Variants in LPIN1 observed in about 807,000 individuals in gnomAD.
LPIN1 encodes phosphatidate phosphatase LPIN1.
Under a neutral mutation model 107.5 loss-of-function variants are expected in LPIN1, and 71 were observed. That is an observed-to-expected ratio of 0.66 (90% CI 0.55 to 0.80). The LOEUF is 0.80. LPIN1 is among the 30% of genes least tolerant of loss of function. The pLI is 0.00. For synonymous variants in LPIN1, 445 were observed against 452.6 expected, an observed-to-expected ratio of 0.98 and a Z score of 0.21; for missense variants, 1,043 against 1,160.6, an observed-to-expected ratio of 0.90 and a Z score of 1.47.
intron 1 of LPIN1, among the ~76,000 whole-genome samples, chr2:11,740,673 G>C (rs1228262722): frequency 1.6e-5 from 2 of 124,542 alleles, no homozygotes; most frequent in Non-Finnish European, 3.3e-5. Context: ...GACACAGTGA[G>C]GCTCTATCTC....
intron 8 of LPIN1, among the ~76,000 whole-genome samples, chr2:11,782,862 G>A (rs1295832126): frequency 3.3e-5 from 5 of 152,080 alleles, no homozygotes; most frequent in Non-Finnish European, 7.4e-5. Context: ...CTTGCCCTGC[G>A]TTGCTTTCCA....
chr2:11,740,589 C>T (rs1436959043), intron 1 of LPIN1, among the ~76,000 whole-genome samples: 1 of 148,010 alleles, frequency 6.8e-6, no homozygotes, highest in Non-Finnish European at 1.5e-5. Context: ...GAGGCTGTGG[C>T]AGGAGGATTG....
Position 11,824,951 on chromosome 2 carries a change from G to A in LPIN1, c.*160G>A, listed in dbSNP as rs766810326. ...AAGCATTTCTCCCCTGCCCCACCCCGGGGCTGACATTTCTAAGCAAGATAG... is the reference window on the plus strand; with the variant it reads ...AAGCATTTCTCCCCTGCCCCACCCCAGGGCTGACATTTCTAAGCAAGATAG... On this transcript the variant is annotated 3_prime_UTR_variant, in exon 21 of 21. Coordinates refer to ENST00000674199, the MANE Select transcript of LPIN1 (RefSeq NM_001349206.2). 95 of 783,558 alleles carry A rather than the reference G, an allele frequency of 1.2e-4. No homozygotes were observed. Among genetic ancestry groups the A allele is most frequent in the Non-Finnish European group, 1.7e-4 (82 of 488,606 alleles). The allele number at this position is 783,558 out of a possible 1,614,324, so 48.5% of individuals were successfully genotyped here.
chr2:11,716,010 G>A (rs1207057016), intron 2 of LPIN1, among the ~76,000 whole-genome samples: 1 of 152,092 alleles, frequency 6.6e-6, no homozygotes, highest in African/African-American at 2.4e-5. Context: ...GGGCAGCTTG[G>A]GGTCCACTGT....
intron 1 of LPIN1, among the ~76,000 whole-genome samples, chr2:11,734,552 G>C (rs1052623707): frequency 3.3e-5 from 5 of 152,168 alleles, no homozygotes; most frequent in Non-Finnish European, 7.4e-5. Context: ...AGACCCAAGA[G>C]GGAAAAAAAT....
intron 1 of LPIN1, among the ~76,000 whole-genome samples, chr2:11,758,972 GCTAAGAA>G (rs1265265354): frequency 2.0e-5 from 3 of 152,226 alleles, no homozygotes; most frequent in African/African-American, 7.2e-5. Flanking sequence ...TTCTTCAGTT[GCTAAGAA>G]CTAAGGAGTG....
chr2:11,677,816 G>A, intron 1 of LPIN1: 3 of 1,164,206 alleles, frequency 2.6e-6, no homozygotes, highest in East Asian at 2.6e-5. Context: ...ATGGGACCCG[G>A]GGAACATTTG....
rs1262542722 is a variant in LPIN1 at position 11,771,548 on chromosome 2, A to G, written c.465A>G (p.Arg155=). 6.2e-7 allele frequency: 1 copy of G among 1,614,064 alleles called. No homozygotes were observed. Among genetic ancestry groups the G allele is most frequent in the Admixed American group, 1.7e-5 (1 of 60,002 alleles). ...CAAGCAGCTCTGTAGTAAAGAAGAG[A>G]AGAAAAAGGAGGAGAAAGTCACAGC... ...TPSSSSVVKK[R]RKRRRKSQLD... Residue 155 remains arginine (R), a synonymous_variant, in exon 4 of 21, where the codon AGA becomes AGG. Transcript: ENST00000674199. This position sits in a 1 kb window ranked among gnomAD's most constrained non-coding sequence, Gnocchi z 4.8.
chr2:11,796,528 G>A (rs1358434092), intron 14 of LPIN1, among the ~76,000 whole-genome samples: 2 of 152,158 alleles, frequency 1.3e-5, no homozygotes, highest in Admixed American at 1.3e-4. Flanking sequence ...GGACCTGGTA[G>A]GGGTGAGTTT....
At chr2:11,742,536 G>A (rs893347), upstream of LPIN1, among the ~76,000 whole-genome samples, 2 of 152,118 alleles carry the variant, frequency 1.3e-5, no homozygotes, top group African/African-American at 2.4e-5. Context: ...GGTGATATGC[G>A]GGGTCTTTTT....
intron 1 of LPIN1, chr2:11,682,787 G>A (rs534538135): frequency 7.0e-4 from 107 of 152,306 alleles, no homozygotes; most frequent in African/African-American, 2.4e-3. Flanking sequence ...TCTCCCAGAC[G>A]ATCCAGGGCA....
chr2:11,713,681 A>G, intron 1 of LPIN1: 1 of 872,160 alleles, frequency 1.1e-6, no homozygotes, highest in Non-Finnish European at 1.8e-6. Context: ...TATATTGGCA[A>G]AGTTATGCAA....
intron 12 of LPIN1, among the ~76,000 whole-genome samples, chr2:11,789,932 G>A (rs1675425534): frequency 7.2e-6 from 1 of 138,692 alleles, no homozygotes; most frequent in Non-Finnish European, 1.6e-5. Flanking sequence ...CTCTAATATA[G>A]AAATTATTTT....
In LPIN1 at chr2:11,827,365, G is replaced by C. The variant is rs544778083; in HGVS notation, c.*2574G>C. 7 of 152,290 alleles carry C rather than the reference G, an allele frequency of 4.6e-5. No individual in the cohort carries two copies. The South Asian group carries it at 1.5e-3, about 32-fold the overall frequency. 9.4% of individuals were successfully genotyped at this position (152,290 alleles called of 1,614,324 possible). Reference sequence around the variant, plus strand: ...TTGTGTTGTACTGGATGCAAAGCTAGAAAATATTGCAATAAATGAGACCGA... The same window carrying C: ...TTGTGTTGTACTGGATGCAAAGCTACAAAATATTGCAATAAATGAGACCGA... On this transcript the variant is annotated 3_prime_UTR_variant, in exon 21 of 21. Coordinates refer to ENST00000674199, the MANE Select transcript of LPIN1 (RefSeq NM_001349206.2). This position sits in a 1 kb window ranked among gnomAD's most constrained non-coding sequence, Gnocchi z 4.1.
intron 20 of LPIN1, among the ~76,000 whole-genome samples, chr2:11,821,237 C>G (rs1228350470): frequency 1.3e-5 from 2 of 152,056 alleles, no homozygotes; most frequent in Non-Finnish European, 2.9e-5. Context: ...CTCTGGCAGG[C>G]CAGGCACGGT....
chr2:11,783,796 T>A (rs762006075), intron 8 of LPIN1, 33 bp from the exon 9 acceptor site: 2 of 1,553,848 alleles, frequency 1.3e-6, no homozygotes, highest in African/African-American at 2.7e-5. Context: ...TCTAGAAGAG[T>A]GGTTTTCTGA....
intron 12 of LPIN1, among the ~76,000 whole-genome samples, chr2:11,791,144 A>G (rs765436799): frequency 2.6e-5 from 4 of 152,168 alleles, no homozygotes; most frequent in Non-Finnish European, 5.9e-5. Context: ...TTTAAGCTAC[A>G]TAGTAAATTA....
intron 8 of LPIN1, among the ~76,000 whole-genome samples, chr2:11,783,229 GCA>G (rs1387423506): frequency 6.6e-6 from 1 of 152,212 alleles, no homozygotes; most frequent in Non-Finnish European, 1.5e-5. Flanking sequence ...GTCTGACAAT[GCA>G]CAGTGTGGGA....
intron 1 of LPIN1, among the ~76,000 whole-genome samples, chr2:11,691,083 G>GTTTTTT (rs373579741): frequency 4.2e-5 from 5 of 120,272 alleles, no homozygotes; most frequent in Non-Finnish European, 4.8e-5. Flanking sequence ...ATCTTGTTGT[G>GTTTTTT]GTTTTTTTTT....
Sources: gnomAD v4.1 joint callset for allele counts (sites outside exome capture counted in the v4.1 genomes callset) on GRCh38, gnomAD v4.1.1 for gene constraint, Gnocchi (gnomAD v3.1) non-coding constraint, MANE v1.5 for transcripts, NCBI Gene and HGNC (gene_info 2026-07-23, HGNC 2026-07-21) for gene names.